Variants in CSMD1 observed in about 807,000 individuals in gnomAD.
The protein encoded by CSMD1 is CUB and sushi domain-containing protein 1.
CSMD1 carries 213 observed loss-of-function variants against 417.5 expected under a neutral mutation model. That is an observed-to-expected ratio of 0.51 (90% confidence interval 0.46 to 0.57). CSMD1 has a LOEUF of 0.57. Ranked by LOEUF, CSMD1 falls within the 20% of genes least tolerant of loss-of-function variation. The probability of loss-of-function intolerance (pLI) is 0.00; values close to 1 mark genes in which losing one functional copy is unlikely to be tolerated. For synonymous variants in CSMD1, 2,862 were observed against 1,736.8 expected, an observed-to-expected ratio of 1.65 and a Z score of -16.11; for missense variants, 6,923 against 4,529.7, an observed-to-expected ratio of 1.53 and a Z score of -15.17.
intron 4 of CSMD1, among the ~76,000 whole-genome samples, chr8:4,022,030 G>T (rs529211893): frequency 2.0e-5 from 3 of 151,424 alleles, no homozygotes; most frequent in South Asian, 4.2e-4. Flanking sequence ...GAAAGTCCAG[G>T]TGCCTATATT....
intron 3 of CSMD1, among the ~76,000 whole-genome samples, chr8:4,033,659 C>G (rs1197008841): frequency 1.3e-5 from 2 of 152,184 alleles, no homozygotes; most frequent in African/African-American, 4.8e-5. Flanking sequence ...TCATGGGCCA[C>G]TGATGACTCG....
intron 21 of CSMD1, among the ~76,000 whole-genome samples, chr8:3,348,755 A>G (rs1055497974): frequency 4.6e-5 from 7 of 152,216 alleles, no homozygotes; most frequent in Non-Finnish European, 1.0e-4. Context: ...TTCCCAATGA[A>G]GGAAGAGAAA....
intron 33 of CSMD1, among the ~76,000 whole-genome samples, chr8:3,198,515 AAC>A (rs1442003780): frequency 6.6e-6 from 1 of 152,232 alleles, no homozygotes; most frequent in Non-Finnish European, 1.5e-5. Context: ...ATAACAATGT[AAC>A]ACCTTTTAAT....
chr8:4,022,916 G>A (rs919654516), intron 4 of CSMD1, among the ~76,000 whole-genome samples: 1 of 152,224 alleles, frequency 6.6e-6, no homozygotes, highest in Non-Finnish European at 1.5e-5. Flanking sequence ...GAAAGCAAGT[G>A]TGCAACTAAG....
chr8:3,157,740 C>G (rs139366523), intron 39 of CSMD1, among the ~76,000 whole-genome samples, 157 bp downstream of exon 39: 30 of 152,300 alleles, frequency 2.0e-4, no homozygotes, highest in African/African-American at 5.8e-4. Context: ...GCAGGTTAAA[C>G]GCATCATTCT....
intron 68 of CSMD1, among the ~76,000 whole-genome samples, chr8:2,948,862 C>A (rs1332566144): frequency 3.9e-5 from 6 of 151,922 alleles, no homozygotes; most frequent in Non-Finnish European, 8.8e-5. Flanking sequence ...AAAACTTTGT[C>A]ATTCTGATAA....
chr8:3,999,109 G>A (rs1040017905), intron 4 of CSMD1, among the ~76,000 whole-genome samples: 5 of 150,972 alleles, frequency 3.3e-5, no homozygotes, highest in African/African-American at 1.2e-4. Flanking sequence ...ATGTTTTAAA[G>A]CATGTTTTTT....
At chr8:3,081,912 C>G (rs183227386) in intron 49 of CSMD1, among the ~76,000 whole-genome samples, 4 of 152,120 alleles carry the variant, frequency 2.6e-5, no homozygotes, top group Non-Finnish European at 4.4e-5. Context: ...CAGCTTGCCC[C>G]GTGGACCTGA....
intron 5 of CSMD1, among the ~76,000 whole-genome samples, chr8:3,864,268 C>G (rs540866930): frequency 6.6e-6 from 1 of 152,290 alleles, no homozygotes; most frequent in South Asian, 2.1e-4. Flanking sequence ...CTGTGGGAAT[C>G]ATAACTCAAT....
chr8:4,160,046 T>A (rs1263653593), intron 3 of CSMD1, among the ~76,000 whole-genome samples: 1 of 151,510 alleles, frequency 6.6e-6, no homozygotes, highest in Non-Finnish European at 1.5e-5. Context: ...AGAACTTTCA[T>A]GTAACCAAAT....
intron 3 of CSMD1, among the ~76,000 whole-genome samples, chr8:4,260,014 T>C (rs188014341): frequency 2.7e-4 from 27 of 98,708 alleles, no homozygotes; most frequent in Middle Eastern, 6.0e-3. Flanking sequence ...TAACATGTCT[T>C]CTTGTGCACA....
intron 3 of CSMD1, among the ~76,000 whole-genome samples, chr8:4,355,131 G>A (rs889466642): frequency 2.6e-5 from 4 of 151,798 alleles, no homozygotes; most frequent in African/African-American, 9.7e-5. Flanking sequence ...GCGTGGTGGC[G>A]GGCGCCTGCA....
chr8:3,905,383 A>G (rs1361703359), intron 5 of CSMD1, among the ~76,000 whole-genome samples: 2 of 152,182 alleles, frequency 1.3e-5, no homozygotes, highest in Non-Finnish European at 2.9e-5. Flanking sequence ...TTTCTTAGTA[A>G]CTGTAAATAC....
At position 2,965,738 on chromosome 8, in the gene CSMD1, T is replaced by G. The variant is rs554245892; in HGVS notation, c.9280+37A>C. The G allele has an allele frequency of 2.0e-5, 31 of 1,548,420 alleles. No individual in the cohort carries two copies. In the South Asian group the frequency reaches 3.3e-4, roughly 16 times the overall value. ...AAGCATAATTCAATAAAGACTTCTA[T>G]ACACATCTGTAAAATCCAAAGAGTC... On this transcript the variant is annotated intron_variant, in intron 59 of 69. Transcript: ENST00000635120.
At chr8:4,761,912 A>AATCTATCTATCAATCTATCTATCT (rs1812127901) in intron 1 of CSMD1, among the ~76,000 whole-genome samples, 1 of 101,268 alleles carries the variant, frequency 9.9e-6, no homozygotes, top group African/African-American at 4.0e-5. Flanking sequence ...TCTATCTATC[A>AATCTATCTATCAATCTATCTATCT]ATCTATCTAT....
chr8:3,104,006 G>T (rs904343457), intron 46 of CSMD1, among the ~76,000 whole-genome samples: 1 of 151,966 alleles, frequency 6.6e-6, no homozygotes, highest in Admixed American at 6.6e-5. Flanking sequence ...GCCTCCCAAA[G>T]TTCTGGGATT....
Position 4,061,795 on chromosome 8 carries a change from T to C in CSMD1, c.416-29696A>G, listed in dbSNP as rs114972311. Among the ~76,000 whole-genome samples, 4 of 152,320 alleles carry C rather than the reference T, an allele frequency of 2.6e-5. No homozygotes were observed. In the South Asian group the frequency reaches 6.2e-4, roughly 24 times the overall value. On this transcript the variant is annotated intron_variant, in intron 3 of 69. Coordinates refer to ENST00000635120, the MANE Select transcript of CSMD1 (RefSeq NM_033225.6). Reference sequence around the variant, plus strand: ...CTAAAAAGGAGTTCTCCATTTGCAGTTGATTATTTATTTTAAATGATGCTT... The same window carrying C: ...CTAAAAAGGAGTTCTCCATTTGCAGCTGATTATTTATTTTAAATGATGCTT...
At chr8:3,836,313 C>G (rs1802698083) in intron 5 of CSMD1, among the ~76,000 whole-genome samples, 1 of 152,058 alleles carries the variant, frequency 6.6e-6, no homozygotes, top group Non-Finnish European at 1.5e-5. Flanking sequence ...AAGCAGTTTG[C>G]CAGTTTTGGG....
intron 3 of CSMD1, among the ~76,000 whole-genome samples, chr8:4,167,095 T>A (rs1797499628): frequency 6.6e-6 from 1 of 152,162 alleles, no homozygotes; most frequent in South Asian, 2.1e-4. Context: ...TAGATAAATG[T>A]AAAACCCTCA....
Sources: gnomAD v4.1 joint callset for allele counts (sites outside exome capture counted in the v4.1 genomes callset) on GRCh38, gnomAD v4.1.1 for gene constraint, MANE v1.5 for transcripts, NCBI Gene and HGNC (gene_info 2026-07-23, HGNC 2026-07-21) for gene names.